Variants in DNAH6 observed in about 807,000 individuals in gnomAD.
The protein encoded by DNAH6 is axonemal beta dynein heavy chain 6.
A neutral mutation model predicts 491.4 loss-of-function variants in DNAH6; 340 were observed. The ratio of observed to expected loss-of-function variants is 0.69; its 90% CI spans 0.63 to 0.76. DNAH6 has a LOEUF of 0.76. Among genes scored for constraint, DNAH6 ranks in the 30% least tolerant of loss-of-function variants. The pLI, the probability that DNAH6 is intolerant of heterozygous loss-of-function variation, is 0.00. For synonymous variants in DNAH6, 1,603 were observed against 1,686.1 expected, an observed-to-expected ratio of 0.95 and a Z score of 1.21; for missense variants, 4,443 against 4,972.2, an observed-to-expected ratio of 0.89 and a Z score of 3.20.
chr2:84,493,888 C>A, the DNAH6 span, among the ~76,000 whole-genome samples: 2 of 152,150 alleles, frequency 1.3e-5, no homozygotes, highest in Admixed American at 1.3e-4. Flanking sequence ...GCTGTTTGTT[C>A]AGTTTGAAGA....
chr2:84,584,320 A>C, intron 15 of DNAH6, 70 bp downstream of exon 15: 1 of 1,418,484 alleles, frequency 7.0e-7, no homozygotes, highest in South Asian at 1.3e-5. Context: ...TTATTAAAGT[A>C]TAATCAACAG....
chr2:84,497,602 A>G, the DNAH6 span, among the ~76,000 whole-genome samples: 2 of 152,216 alleles, frequency 1.3e-5, no homozygotes, highest in East Asian at 3.8e-4. Context: ...CAGAATTTTA[A>G]GCCATTGAAC....
At position 84,701,198 on chromosome 2, in the gene DNAH6, C is replaced by T. The variant is rs759484600; in HGVS notation, c.7920C>T (p.Asn2640=). 3.0e-5 allele frequency: 46 copies of T among 1,551,664 alleles called. No homozygotes were observed. The highest frequency in any genetic ancestry group is 9.8e-5 in the Admixed American group (5 of 50,984). The change falls in exon 49 of 77, where the codon AAC becomes AAT. Residue 2640 remains asparagine, a synonymous_variant. Coordinates refer to ENST00000389394, the MANE Select transcript of DNAH6 (RefSeq NM_001370.2). The part of the protein sequence containing the change: ...LKEKLPLMCV[N]VHLSVSSMAE... ...AAAAGCTTCCCTTGATGTGCGTGAA[C>T]GTTCACTTGAGTGTCTCCAGCATGG...
chr2:84,598,922 TGG>T (rs1684947600), intron 18 of DNAH6, among the ~76,000 whole-genome samples: 1 of 149,748 alleles, frequency 6.7e-6, no homozygotes, highest in East Asian at 2.0e-4. Flanking sequence ...CCTGGCTACC[TGG>T]GAGGCTGAGG....
At chr2:84,490,745 A>G in the DNAH6 span, among the ~76,000 whole-genome samples, 1 of 152,202 alleles carries the variant, frequency 6.6e-6, no homozygotes, top group East Asian at 1.9e-4. Flanking sequence ...TATCTTTAGT[A>G]GAGACGGGGT....
Position 84,727,897 on chromosome 2 carries a change from G to A in DNAH6, c.10201G>A (p.Glu3401Lys). Residue 3401 changes from glutamate to lysine, a missense_variant, in exon 61 of 77, where the codon GAA becomes AAA. By Grantham distance (56) the Glu-to-Lys change is moderately conservative (BLOSUM62 1). This residue lies in a region of DNAH6 where 1,463 missense variants were observed against 1,656.6 expected (regional missense o/e 0.88). Transcript: ENST00000389394. The stretch of plus-strand genomic sequence containing the variant: ...CTTTCTCCGAGGTTCTGCAGGATTG[G>A]AAAAGGTACCTGATTCCCATTTAGG... ...NFFLRGSAGL[E>K]KERPPKPEAP... 6.5e-7 allele frequency: 1 copy of A among 1,544,740 alleles called. No individual in the cohort carries two copies. Among genetic ancestry groups the A allele is most frequent in the Non-Finnish European group, 8.8e-7 (1 of 1,140,418 alleles).
At chr2:84,646,250 A>G (rs1464787480) in intron 33 of DNAH6, among the ~76,000 whole-genome samples, 1 of 152,190 alleles carries the variant, frequency 6.6e-6, no homozygotes, top group Non-Finnish European at 1.5e-5. Context: ...CTTAATTGAT[A>G]AATGTGTGTG....
chr2:84,704,067 G>A lies in DNAH6; in HGVS notation c.8230G>A (p.Val2744Ile), dbSNP rs900303251. 19 of 1,551,148 alleles carry A rather than the reference G, an allele frequency of 1.2e-5. No individual in the cohort carries two copies. The highest frequency in any genetic ancestry group is 1.6e-5 in the Non-Finnish European group (18 of 1,146,616). ...LAVDQESADQ[V>I]RNTVQEDEAT... ...TAAGCAGTCATGTTTCAATGGTTAG[G>A]TCCGTAACACTGTGCAGGAGGATGA... Residue 2744 changes from valine to isoleucine, a missense_variant and splice_region_variant, in exon 51 of 77, where the codon GTC (valine) becomes ATC (isoleucine). By Grantham distance (29) the Val-to-Ile change is conservative. Around this residue, in one of 3 missense-constraint regions of DNAH6, gnomAD observed 2,977 missense variants for 3,296.6 expected, o/e 0.90. Coordinates refer to ENST00000389394, the MANE Select transcript of DNAH6 (RefSeq NM_001370.2).
chr2:84,559,720 T>G (rs1029833435), intron 11 of DNAH6, among the ~76,000 whole-genome samples: 1 of 152,022 alleles, frequency 6.6e-6, no homozygotes, highest in Non-Finnish European at 1.5e-5. Context: ...TACATGCAAG[T>G]CTACTAACAG....
rs1401902281 is a variant in DNAH6, at chr2:84,702,575, C to T, written c.8062-820C>T. On this transcript the variant is annotated intron_variant, in intron 49 of 76. Coordinates refer to ENST00000389394, the MANE Select transcript of DNAH6 (RefSeq NM_001370.2). ...TTTTTTTTTTTGAGATGGAGTCTCG[C>T]TCTGTCACCCAGGCTGGAGTGCAGT... Among the ~76,000 whole-genome samples, 4 of 146,126 alleles carry T rather than the reference C, an allele frequency of 2.7e-5. No homozygotes were observed. In the Admixed American group the frequency reaches 2.7e-4, roughly 10 times the overall value.
chr2:84,662,976 G>T (rs931277224), intron 37 of DNAH6, among the ~76,000 whole-genome samples: 7 of 152,144 alleles, frequency 4.6e-5, no homozygotes, highest in African/African-American at 9.7e-5. Context: ...AGGCAAACAG[G>T]GTCTGGAGTG....
chr2:84,779,098 A>C (rs1366486020), intron 64 of DNAH6, among the ~76,000 whole-genome samples: 4 of 152,174 alleles, frequency 2.6e-5, no homozygotes, highest in African/African-American at 9.7e-5. Context: ...ATACAGATGA[A>C]AAAAATGTAT....
At chr2:84,589,712 A>C (rs901188586) in intron 16 of DNAH6, among the ~76,000 whole-genome samples, 1 of 106,636 alleles carries the variant, frequency 9.4e-6, no homozygotes, top group Non-Finnish European at 1.9e-5. Context: ...ACCCTGTCTC[A>C]AAAAAAAAAA....
At chr2:84,523,054 C>A (rs1676294608) in intron 2 of DNAH6, among the ~76,000 whole-genome samples, 1 of 152,008 alleles carries the variant, frequency 6.6e-6, no homozygotes, top group Non-Finnish European at 1.5e-5. Flanking sequence ...ACCAGCTCTT[C>A]TTTGCATATC....
At chr2:84,680,114 G>A (rs1693641016) in intron 41 of DNAH6, among the ~76,000 whole-genome samples, 2 of 152,152 alleles carry the variant, frequency 1.3e-5, no homozygotes, top group South Asian at 4.2e-4. Flanking sequence ...TCCCAGGAGG[G>A]GATACCTAAA....
chr2:84,484,161 G>C, the DNAH6 span, among the ~76,000 whole-genome samples: 1 of 152,040 alleles, frequency 6.6e-6, no homozygotes, highest in East Asian at 1.9e-4. Flanking sequence ...TCCTGTCAGC[G>C]TGTCTGGGTT....
chr2:84,751,378 A>C (rs1673455134), intron 63 of DNAH6: 1 of 152,240 alleles, frequency 6.6e-6, no homozygotes, highest in South Asian at 2.1e-4. Flanking sequence ...TGGTGGAATC[A>C]ACTGCTCTAT....
chr2:84,461,540 C>G, the DNAH6 span, among the ~76,000 whole-genome samples: 1 of 152,220 alleles, frequency 6.6e-6, no homozygotes, highest in African/African-American at 2.4e-5. Context: ...AACTCTGCCA[C>G]TGGCTACATG....
chr2:84,599,279 T>C (rs1211554073), intron 18 of DNAH6, among the ~76,000 whole-genome samples: 1 of 152,142 alleles, frequency 6.6e-6, no homozygotes, highest in Non-Finnish European at 1.5e-5. Flanking sequence ...CAGTTGCTTG[T>C]CTTTTCAGTT....
Sources: gnomAD v4.1 joint callset for allele counts (sites outside exome capture counted in the v4.1 genomes callset) on GRCh38, gnomAD v4.1.1 for gene constraint, gnomAD v4.1.1 regional missense constraint, MANE v1.5 for transcripts, NCBI Gene and HGNC (gene_info 2026-07-23, HGNC 2026-07-21) for gene names.